STK38: variants seen among roughly 807,000 people sequenced by gnomAD.
STK38 encodes the protein serine/threonine kinase 38, also known as serine/threonine-protein kinase 38.
A neutral mutation model predicts 59.0 loss-of-function variants in STK38; 26 were observed. That is an observed-to-expected ratio of 0.44 (90% confidence interval 0.32 to 0.61). STK38 has a LOEUF of 0.61. Among genes scored for constraint, STK38 ranks in the 20% least tolerant of loss-of-function variants. The pLI, the probability that STK38 is intolerant of heterozygous loss-of-function variation, is 0.04. For synonymous variants in STK38, 175 were observed against 176.6 expected, an observed-to-expected ratio of 0.99 and a Z score of 0.07; for missense variants, 433 against 566.0, an observed-to-expected ratio of 0.76 and a Z score of 2.38.
intron 9 of STK38, among the ~76,000 whole-genome samples, chr6:36,503,749 G>A (rs759777549): frequency 5.3e-5 from 8 of 152,054 alleles, no homozygotes; most frequent in Non-Finnish European, 8.8e-5. Context: ...AACTCTTAAC[G>A]AGTTATAAAA....
At chr6:36,501,614 A>T (rs1459306015) in intron 9 of STK38, among the ~76,000 whole-genome samples, 1 of 149,436 alleles carries the variant, frequency 6.7e-6, no homozygotes, top group Non-Finnish European at 1.5e-5. Context: ...TAGTAGAGAC[A>T]GGGTTTCACC....
intron 2 of STK38, among the ~76,000 whole-genome samples, chr6:36,530,851 G>A (rs1219688163): frequency 6.6e-6 from 1 of 151,224 alleles, no homozygotes; most frequent in African/African-American, 2.4e-5. Flanking sequence ...CACCATGTGT[G>A]GCTAATTTTT....
At chr6:36,517,652 G>C in intron 6 of STK38, 65 bp downstream of exon 6, 1 of 1,585,160 alleles carries the variant, frequency 6.3e-7, no homozygotes, top group Non-Finnish European at 8.6e-7. Context: ...AGGGTTAATC[G>C]TGATGTGAGA....
At chr6:36,539,398 A>C (rs1777877534) in intron 2 of STK38, among the ~76,000 whole-genome samples, 1 of 152,148 alleles carries the variant, frequency 6.6e-6, no homozygotes, top group East Asian at 1.9e-4. Flanking sequence ...AAAAAAAAAA[A>C]AACCAATAAA....
intron 5 of STK38, among the ~76,000 whole-genome samples, chr6:36,520,050 G>C (rs1777343970): frequency 6.6e-6 from 1 of 152,164 alleles, no homozygotes; most frequent in African/African-American, 2.4e-5. Flanking sequence ...TGATGAATTT[G>C]CACTGGTCTA....
At chr6:36,508,336 T>C (rs1777018916) in intron 7 of STK38, among the ~76,000 whole-genome samples, 1 of 152,208 alleles carries the variant, frequency 6.6e-6, no homozygotes, top group African/African-American at 2.4e-5. Flanking sequence ...CCATTTTCAA[T>C]TCTTAGCTCT....
chr6:36,510,080 C>A (rs539251841), intron 7 of STK38, among the ~76,000 whole-genome samples: 1 of 152,356 alleles, frequency 6.6e-6, no homozygotes, highest in South Asian at 2.1e-4. Flanking sequence ...TTCAGGCCAT[C>A]CCTGGCTTGA....
rs575027344 is a variant in STK38 at position 36,515,378 on chromosome 6, T to G, written c.629A>C (p.His210Pro). Reference sequence around the variant, plus strand: ...AAGGTTGTCTGGTTTGATGTCTCTGTGGATGAATCCAAGTTGGTGAATAGA... The same window carrying G: ...AAGGTTGTCTGGTTTGATGTCTCTGGGGATGAATCCAAGTTGGTGAATAGA... The part of the protein sequence containing the change: ...IDSIHQLGFI[H>P]RDIKPDNLLL... The change falls in exon 7 of 14, where the codon CAC (histidine) becomes CCC (proline). Residue 210 changes from histidine to proline, a missense_variant. By Grantham distance (77) the His-to-Pro change is moderately conservative. Transcript: ENST00000229812. 2 of 1,614,170 alleles carry G rather than the reference T, an allele frequency of 1.2e-6. No homozygotes were observed. The highest frequency in any genetic ancestry group is 1.7e-6 in the Non-Finnish European group (2 of 1,180,036).
chr6:36,496,027 A>G, intron 13 of STK38, 113 bp from the exon 14 acceptor site: 1 of 1,047,512 alleles, frequency 9.5e-7, no homozygotes, highest in Non-Finnish European at 1.3e-6. Flanking sequence ...GGGAAAGCTT[A>G]TTTTTCACTC....
At chr6:36,524,559 G>T in intron 3 of STK38, 96 bp from the exon 4 acceptor site, 3 of 1,275,960 alleles carry the variant, frequency 2.4e-6, no homozygotes, top group Non-Finnish European at 2.1e-6. Context: ...CTAGAAAACA[G>T]GTCCAAGTGG....
rs185562809 is a variant in STK38 at position 36,516,178 on chromosome 6, C to A, written c.515-686G>T. On this transcript the variant is annotated intron_variant, in intron 6 of 13. Transcript: ENST00000229812. ...ATAGGTATTTAAATGGACACTAGTA[C>A]CCTTTATGTAACTTTTAAAACACAG... Among the ~76,000 whole-genome samples, 1,514 of 152,232 alleles carry A rather than the reference C, an allele frequency of 9.9e-3. 17 individuals are homozygous for A. Among genetic ancestry groups the A allele is most frequent in the South Asian group, 0.012 (59 of 4,816 alleles).
chr6:36,544,334 A>G (rs972708613), intron 1 of STK38, among the ~76,000 whole-genome samples: 1 of 152,106 alleles, frequency 6.6e-6, no homozygotes, highest in Non-Finnish European at 1.5e-5. Context: ...ATTAAAAAAA[A>G]CAAAAACAAC....
At chr6:36,542,671 G>A (rs989545159) in intron 1 of STK38, among the ~76,000 whole-genome samples, 5 of 151,676 alleles carry the variant, frequency 3.3e-5, no homozygotes, top group South Asian at 2.1e-4. Context: ...TCGGCTGAGC[G>A]CGGTGGCTCA....
chr6:36,529,369 A>G (rs546612887), intron 2 of STK38, among the ~76,000 whole-genome samples: 16 of 152,338 alleles, frequency 1.1e-4, no homozygotes, highest in African/African-American at 3.4e-4. Context: ...CGGGGTCACT[A>G]TATTATTCCA....
intron 2 of STK38, among the ~76,000 whole-genome samples, chr6:36,531,692 A>C (rs1777669393): frequency 6.6e-6 from 1 of 152,238 alleles, no homozygotes; most frequent in Non-Finnish European, 1.5e-5. Flanking sequence ...GCACTGTGTG[A>C]TGGACACTAG....
intron 13 of STK38, 49 bp downstream of exon 13, chr6:36,496,662 G>T (rs1223855289): frequency 1.4e-6 from 2 of 1,379,484 alleles, no homozygotes; most frequent in African/African-American, 1.4e-5. Context: ...AAAATTGGGG[G>T]TAAATAATGT....
intron 2 of STK38, among the ~76,000 whole-genome samples, chr6:36,537,931 C>A (rs898663832): frequency 6.6e-6 from 1 of 151,418 alleles, no homozygotes; most frequent in Non-Finnish European, 1.5e-5. Flanking sequence ...ATGAAAGATG[C>A]CTTGCTCAAA....
At chr6:36,538,261 G>A (rs947738918) in intron 2 of STK38, among the ~76,000 whole-genome samples, 3 of 151,474 alleles carry the variant, frequency 2.0e-5, no homozygotes, top group Non-Finnish European at 4.4e-5. Flanking sequence ...CCGAGATCAC[G>A]CCACTGCACT....
intron 7 of STK38, among the ~76,000 whole-genome samples, chr6:36,514,848 C>CAA (rs58614183): frequency 5.0e-4 from 39 of 77,650 alleles, no homozygotes; most frequent in African/African-American, 8.0e-4. Context: ...GACTTCATCT[C>CAA]AAAAAAAAAA....
Sources: gnomAD v4.1 joint callset for allele counts (sites outside exome capture counted in the v4.1 genomes callset) on GRCh38, gnomAD v4.1.1 for gene constraint, MANE v1.5 for transcripts, NCBI Gene and HGNC (gene_info 2026-07-23, HGNC 2026-07-21) for gene names.